Variants in WWOX observed in about 807,000 individuals in gnomAD.
The protein encoded by WWOX is WW domain containing oxidoreductase.
In WWOX, 69 loss-of-function variants were observed where a neutral mutation model predicts 46.2. The ratio of observed to expected loss-of-function variants is 1.49; its 90% CI spans 1.23 to 1.82. WWOX has a LOEUF of 1.82. Ranked by LOEUF, WWOX falls within the 40% of genes most tolerant of loss-of-function variation. The probability of loss-of-function intolerance (pLI) is 0.00; values close to 1 mark genes in which losing one functional copy is unlikely to be tolerated. For missense variants in WWOX, 919 were observed against 542.6 expected (o/e 1.69, Z -6.89); for synonymous variants, 359 against 202.6 (o/e 1.77, Z -6.56).
chr16:79,083,420 T>G (rs1013322044), intron 8 of WWOX, among the ~76,000 whole-genome samples: 4 of 152,188 alleles, frequency 2.6e-5, no homozygotes, highest in Admixed American at 2.6e-4. Context: ...GCTTCCCTGT[T>G]GGCCATTACT....
chr16:78,951,248 CT>C (rs2046053585), intron 8 of WWOX, among the ~76,000 whole-genome samples: 1 of 152,220 alleles, frequency 6.6e-6, no homozygotes, highest in African/African-American at 2.4e-5. Flanking sequence ...GTACTTCCAT[CT>C]CTGTAAACTT....
At chr16:78,198,254 T>G (rs532693355) in intron 5 of WWOX, among the ~76,000 whole-genome samples, 1 of 150,424 alleles carries the variant, frequency 6.6e-6, no homozygotes, top group South Asian at 2.3e-4. Context: ...TCCCCAGCAT[T>G]CAAAGAAGAT....
intron 8 of WWOX, among the ~76,000 whole-genome samples, chr16:78,458,811 G>A (rs1420698286): frequency 2.0e-5 from 3 of 152,094 alleles, no homozygotes; most frequent in African/African-American, 4.8e-5. Context: ...ATCTGTGTGT[G>A]TTGGGGGTGG....
intron 5 of WWOX, among the ~76,000 whole-genome samples, chr16:78,262,973 C>T (rs1216379285): frequency 6.6e-6 from 1 of 151,036 alleles, no homozygotes; most frequent in East Asian, 2.0e-4. Context: ...CCCTGCTCAA[C>T]TCTCATGGGC....
At chr16:78,370,980 C>CTTT (rs66999008) in intron 5 of WWOX, among the ~76,000 whole-genome samples, 6,781 of 134,252 alleles carry the variant, frequency 0.051, 233 homozygotes, top group East Asian at 0.078. Flanking sequence ...GTTGTGATTT[C>CTTT]TTTTTTTTTT....
chr16:78,897,795 G>A (rs1045661650), intron 8 of WWOX: 2 of 152,174 alleles, frequency 1.3e-5, no homozygotes, highest in African/African-American at 4.8e-5. Context: ...CTAGAAGTGT[G>A]TAAGAGTTTA....
At chr16:79,163,937 T>C (rs928771722) in intron 8 of WWOX, among the ~76,000 whole-genome samples, 3 of 150,172 alleles carry the variant, frequency 2.0e-5, no homozygotes, top group African/African-American at 7.4e-5. Context: ...GCTTCTGCCG[T>C]TTCTAGCCCA....
intron 5 of WWOX, among the ~76,000 whole-genome samples, chr16:78,261,920 A>G (rs2079252954): frequency 6.6e-6 from 1 of 150,742 alleles, no homozygotes; most frequent in Admixed American, 6.6e-5. Flanking sequence ...GTTAAATTTT[A>G]GATCAATAAT....
chr16:78,478,539 TCTC>T (rs1345795655), intron 8 of WWOX, among the ~76,000 whole-genome samples: 1 of 152,060 alleles, frequency 6.6e-6, no homozygotes, highest in African/African-American at 2.4e-5. Context: ...GGCAGCCTAC[TCTC>T]CTCTCTCGAA....
chr16:78,246,080 G>A (rs539131623), intron 5 of WWOX, among the ~76,000 whole-genome samples: 1 of 152,276 alleles, frequency 6.6e-6, no homozygotes, highest in South Asian at 2.1e-4. Context: ...CTTTTTTGCA[G>A]ATCATCCCGC....
At chr16:79,161,912 C>G (rs2050494341) in intron 8 of WWOX, among the ~76,000 whole-genome samples, 1 of 152,194 alleles carries the variant, frequency 6.6e-6, no homozygotes, top group African/African-American at 2.4e-5. Flanking sequence ...CTTTAATTTT[C>G]CCTCCCAGGC....
intron 8 of WWOX, among the ~76,000 whole-genome samples, chr16:78,697,324 CTAT>C (rs2048121396): frequency 6.6e-6 from 1 of 152,154 alleles, no homozygotes; most frequent in Admixed American, 6.5e-5. Flanking sequence ...ACGCCAATAT[CTAT>C]TATTTTTTGC....
chr16:78,583,685 G>A (rs970769959), intron 8 of WWOX, among the ~76,000 whole-genome samples: 4 of 152,182 alleles, frequency 2.6e-5, no homozygotes, highest in Non-Finnish European at 4.4e-5. Context: ...GGTTGGGGGG[G>A]TTGCTTGGCC....
rs1034178539 is a variant in WWOX, at chr16:78,447,329, T to G, written c.1056+14577T>G. 6.6e-5 allele frequency among the ~76,000 whole-genome samples: 10 copies of G among 152,364 alleles called. 1 individual carries two copies. Among genetic ancestry groups the G allele is most frequent in the African/African-American group, 2.2e-4 (9 of 41,586 alleles). ...TTTTTCTTATGCATTTGCTATAAAT[T>G]AGTAAATCTGTGTAAAGCTGCTTAT... On this transcript the variant is annotated intron_variant, in intron 8 of 8. Coordinates refer to ENST00000566780, the MANE Select transcript of WWOX (RefSeq NM_016373.4).
chr16:78,385,452 G>A (rs999111290), intron 5 of WWOX, among the ~76,000 whole-genome samples: 1 of 152,190 alleles, frequency 6.6e-6, no homozygotes, highest in Non-Finnish European at 1.5e-5. Flanking sequence ...ATGAGTAGAT[G>A]ACTAATATTC....
intron 8 of WWOX, among the ~76,000 whole-genome samples, chr16:78,924,966 G>A (rs886484685): frequency 3.3e-5 from 5 of 152,138 alleles, no homozygotes; most frequent in African/African-American, 9.7e-5. Context: ...GGGCCAAGGC[G>A]GGAGGATCAG....
chr16:78,375,284 C>T lies in WWOX; in HGVS notation c.517-11576C>T, dbSNP rs1027787804. Among the ~76,000 whole-genome samples, 7 of 152,338 alleles carry T rather than the reference C, an allele frequency of 4.6e-5. 1 individual carries two copies. Among genetic ancestry groups the T allele is most frequent in the African/African-American group, 1.4e-4 (6 of 41,586 alleles). On this transcript the variant is annotated intron_variant, in intron 5 of 8. Transcript: ENST00000566780. ...CGTCACACGCAGTGTGGCCAACTTC[C>T]GAGAGGCCGGCATTCAGCCAAACAG...
chr16:78,121,955 C>A (rs1443077290), intron 4 of WWOX, among the ~76,000 whole-genome samples: 1 of 152,164 alleles, frequency 6.6e-6, no homozygotes, highest in South Asian at 2.1e-4. Flanking sequence ...ACCGCTGTGC[C>A]TGGCCCGTGT....
chr16:78,493,428 A>T (rs1332492501), intron 8 of WWOX, among the ~76,000 whole-genome samples: 1 of 152,216 alleles, frequency 6.6e-6, no homozygotes, highest in Non-Finnish European at 1.5e-5. Flanking sequence ...CATATCAGTC[A>T]CATCAAGCTA....
Sources: allele counts gnomAD v4.1 joint callset (sites outside exome capture counted in the v4.1 genomes callset), GRCh38; gene constraint gnomAD v4.1.1; transcripts MANE v1.5; gene names NCBI Gene and HGNC (gene_info 2026-07-23, HGNC 2026-07-21).